The following RANBP10 variants were observed in gnomAD, a reference collection of about 807,000 sequenced individuals.
RANBP10 encodes the protein ran-binding protein 10.
In RANBP10, 24 loss-of-function variants were observed where a neutral mutation model predicts 72.8. The observed-to-expected ratio is 0.33, with a 90% CI of 0.24 to 0.46. The LOEUF is 0.46. Among genes scored for constraint, RANBP10 ranks in the 20% least tolerant of loss-of-function variants. The probability of loss-of-function intolerance (pLI) is 1.00; values close to 1 mark genes in which losing one functional copy is unlikely to be tolerated. For synonymous variants in RANBP10, 310 were observed against 322.3 expected (o/e 0.96, Z 0.41); for missense variants, 679 against 817.5 (o/e 0.83, Z 2.07).
At chr16:67,783,781 C>G (rs1262104332) in intron 2 of RANBP10, among the ~76,000 whole-genome samples, 2 of 152,144 alleles carry the variant, frequency 1.3e-5, no homozygotes, top group African/African-American at 4.8e-5. Flanking sequence ...CGGTGGCTCA[C>G]GCCTATAATC....
chr16:67,726,326 G>A lies in RANBP10; in HGVS notation c.*102C>T, dbSNP rs1220243358. The A allele has an allele frequency of 6.5e-7, 1 of 1,544,856 alleles. No individual in the cohort carries two copies. Among genetic ancestry groups the A allele is most frequent in the African/African-American group, 1.4e-5 (1 of 73,610 alleles). ...AGGCCAGGCAGGAGGAGTGGACTCT[G>A]TCTATGGTTTCCCAGTCCCTGCACC... On this transcript the variant is annotated 3_prime_UTR_variant, in exon 14 of 14. Coordinates refer to ENST00000317506, the MANE Select transcript of RANBP10 (RefSeq NM_020850.3).
chr16:67,783,398 T>C (rs1165640935), intron 2 of RANBP10, among the ~76,000 whole-genome samples: 1 of 152,130 alleles, frequency 6.6e-6, no homozygotes, highest in African/African-American at 2.4e-5. Flanking sequence ...TTGAGAACCC[T>C]GCACAGAGAA....
Position 67,803,918 on chromosome 16 carries a change from T to G in RANBP10, c.347+1510A>C, listed in dbSNP as rs572303710. Among the ~76,000 whole-genome samples, 3 of 150,020 alleles carry G rather than the reference T, an allele frequency of 2.0e-5. No homozygotes were observed. In the Admixed American group the frequency reaches 2.0e-4, roughly 10 times the overall value. On this transcript the variant is annotated intron_variant, in intron 2 of 13. Coordinates refer to ENST00000317506, the MANE Select transcript of RANBP10 (RefSeq NM_020850.3). ...ATTTCAGAGGCATAGAATTCTGGAGTTCAGGCAGCTTAGATGCTGGCCTGG... is the reference window on the plus strand; with the variant it reads ...ATTTCAGAGGCATAGAATTCTGGAGGTCAGGCAGCTTAGATGCTGGCCTGG...
intron 3 of RANBP10, among the ~76,000 whole-genome samples, chr16:67,744,966 G>T (rs1018024668): frequency 2.6e-5 from 4 of 152,128 alleles, no homozygotes; most frequent in African/African-American, 9.7e-5. Flanking sequence ...TGGGACTACA[G>T]GCGCCTGCCA....
chr16:67,758,429 A>G (rs2054330833), intron 3 of RANBP10, among the ~76,000 whole-genome samples: 1 of 152,174 alleles, frequency 6.6e-6, no homozygotes. Flanking sequence ...TGGGTGACCT[A>G]TGGTAACATA....
At chr16:67,772,307 G>A (rs554447675) in intron 2 of RANBP10, among the ~76,000 whole-genome samples, 16 of 152,250 alleles carry the variant, frequency 1.1e-4, no homozygotes, top group South Asian at 4.1e-4. Flanking sequence ...AGAAAGTTGC[G>A]TGTGTTGTGT....
At chr16:67,756,568 T>C (rs1567691282) in intron 3 of RANBP10, among the ~76,000 whole-genome samples, 1 of 152,246 alleles carries the variant, frequency 6.6e-6, no homozygotes, top group African/African-American at 2.4e-5. Context: ...CCAGGTATAG[T>C]GGTGGGTGCC....
chr16:67,790,177 A>G (rs2054997754), intron 2 of RANBP10, among the ~76,000 whole-genome samples: 1 of 151,780 alleles, frequency 6.6e-6, no homozygotes, highest in Admixed American at 6.6e-5. Flanking sequence ...ACATAATGCT[A>G]TGTGAAATGG....
Position 67,806,508 on chromosome 16 carries a change from G to A in RANBP10, c.29C>T (p.Ala10Val). The stretch of plus-strand genomic sequence containing the variant: ...GGAGTCCCCAGGCTGCGGGTTCCCA[G>A]CTCCCGGGTCTGCCGTCGCTGCCGC... Reference protein sequence around the residue: MAAATADPGAGNPQPGDSSG... With the variant: MAAATADPGVGNPQPGDSSG... Residue 10 changes from alanine (A) to valine (V), a missense_variant, in exon 1 of 14, where the codon GCT becomes GTT. Ala to Val is a moderately conservative substitution (Grantham distance 64). Coordinates refer to ENST00000317506, the MANE Select transcript of RANBP10 (RefSeq NM_020850.3). 1 of 1,524,550 alleles carries A rather than the reference G, an allele frequency of 6.6e-7. No individual in the cohort carries two copies. The highest frequency in any genetic ancestry group is 8.7e-7 in the Non-Finnish European group (1 of 1,143,142). 94.4% of individuals were successfully genotyped at this position (1,524,550 alleles called of 1,614,324 possible).
chr16:67,790,006 A>T (rs2054994046), intron 2 of RANBP10, among the ~76,000 whole-genome samples: 1 of 151,486 alleles, frequency 6.6e-6, no homozygotes, highest in Non-Finnish European at 1.5e-5. Flanking sequence ...CTGAGGCAGG[A>T]GAATTGCTGA....
chr16:67,793,733 T>C (rs951510739), intron 2 of RANBP10, among the ~76,000 whole-genome samples: 1 of 152,204 alleles, frequency 6.6e-6, no homozygotes, highest in African/African-American at 2.4e-5. Flanking sequence ...AGTCCATATA[T>C]TAAACCCCTT....
Position 67,724,940 on chromosome 16 carries a change from CT to C in RANBP10, c.*1487del, listed in dbSNP as rs1279859188. ...TATGGAAATTCCAGCCGTCCTGGTG[CT>C]CCTCTGTGTAGACTTCCTCCCTTTC... On this transcript the variant is annotated 3_prime_UTR_variant, in exon 14 of 14. Coordinates refer to ENST00000317506, the MANE Select transcript of RANBP10 (RefSeq NM_020850.3). The C allele has an allele frequency of 6.6e-6, 1 of 152,648 alleles. No individual in the cohort carries two copies. Among genetic ancestry groups the C allele is most frequent in the Non-Finnish European group, 1.5e-5 (1 of 68,140 alleles). 9.5% of individuals were successfully genotyped at this position (152,648 alleles called of 1,614,324 possible). A position where few individuals can be genotyped will look rare whatever the true frequency, so the allele number is the denominator to read the frequency against.
At chr16:67,790,647 C>T (rs1365140312) in intron 2 of RANBP10, among the ~76,000 whole-genome samples, 1 of 151,736 alleles carries the variant, frequency 6.6e-6, no homozygotes, top group Non-Finnish European at 1.5e-5. Flanking sequence ...ACTTAGCCCA[C>T]AGCAAATGAC....
chr16:67,775,018 T>C (rs1031591279), intron 2 of RANBP10, among the ~76,000 whole-genome samples: 2 of 152,140 alleles, frequency 1.3e-5, no homozygotes, highest in Non-Finnish European at 2.9e-5. Flanking sequence ...AAAGGTCATA[T>C]ATGAAAAACC....
At chr16:67,773,150 T>C (rs990950082) in intron 2 of RANBP10, among the ~76,000 whole-genome samples, 6 of 152,194 alleles carry the variant, frequency 3.9e-5, no homozygotes, top group African/African-American at 1.4e-4. Context: ...ATCATGGGGA[T>C]AGATCCTTCA....
At chr16:67,795,025 C>T (rs2055103829) in intron 2 of RANBP10, among the ~76,000 whole-genome samples, 1 of 148,868 alleles carries the variant, frequency 6.7e-6, no homozygotes, top group Non-Finnish European at 1.5e-5. Flanking sequence ...GAGGCCAAGA[C>T]AGGCAGATCA....
chr16:67,765,382 T>C (rs1318663573), intron 3 of RANBP10, among the ~76,000 whole-genome samples: 3 of 151,536 alleles, frequency 2.0e-5, no homozygotes, highest in African/African-American at 7.3e-5. Flanking sequence ...CAAAATTAGC[T>C]GGGCGTGGTG....
intron 4 of RANBP10, among the ~76,000 whole-genome samples, chr16:67,742,711 G>A (rs1001750010): frequency 2.0e-5 from 3 of 152,218 alleles, no homozygotes; most frequent in African/African-American, 7.2e-5. Flanking sequence ...CAAAATGTGG[G>A]CAAGCTGGAG....
intron 2 of RANBP10, among the ~76,000 whole-genome samples, chr16:67,789,477 C>CTT (rs142471071): frequency 1.4e-5 from 2 of 148,094 alleles, no homozygotes; most frequent in African/African-American, 5.0e-5. Context: ...GACCATATTT[C>CTT]TTTTTTTTTT....
Sources: allele counts gnomAD v4.1 joint callset (sites outside exome capture counted in the v4.1 genomes callset), GRCh38; gene constraint gnomAD v4.1.1; transcripts MANE v1.5; gene names NCBI Gene and HGNC (gene_info 2026-07-23, HGNC 2026-07-21).